Variants in ADGRA3 observed in about 807,000 individuals in gnomAD.
ADGRA3 encodes the protein adhesion G protein-coupled receptor A3, also known as G-protein coupled receptor 125.
In ADGRA3, 56 loss-of-function variants were observed where a neutral mutation model predicts 119.8. The observed-to-expected ratio is 0.47, with a 90% confidence interval of 0.38 to 0.58. ADGRA3 has a LOEUF of 0.58. Among genes scored for constraint, ADGRA3 ranks in the 20% least tolerant of loss-of-function variants. The probability of loss-of-function intolerance (pLI) is 0.00; values close to 1 mark genes in which losing one functional copy is unlikely to be tolerated. For synonymous variants in ADGRA3, 607 were observed against 623.8 expected (o/e 0.97, Z 0.40); for missense variants, 1,516 against 1,649.0 (o/e 0.92, Z 1.40).
chr4:22,507,649 C>G (rs945756798), intron 1 of ADGRA3, among the ~76,000 whole-genome samples: 3 of 152,152 alleles, frequency 2.0e-5, no homozygotes, highest in Non-Finnish European at 2.9e-5. Context: ...GGACTCCAAG[C>G]AGGCAAGAAA....
intron 5 of ADGRA3, among the ~76,000 whole-genome samples, chr4:22,445,601 C>G (rs1663858845): frequency 6.6e-6 from 1 of 152,168 alleles, no homozygotes; most frequent in African/African-American, 2.4e-5. Context: ...AAACAGCAAC[C>G]TAAAGCAATA....
At chr4:22,446,102 G>T (rs1469447301) in intron 5 of ADGRA3, among the ~76,000 whole-genome samples, 1 of 152,218 alleles carries the variant, frequency 6.6e-6, no homozygotes, top group Non-Finnish European at 1.5e-5. Flanking sequence ...GTTTAAGTGT[G>T]TGTGCTTCTA....
intron 3 of ADGRA3, among the ~76,000 whole-genome samples, chr4:22,461,513 T>G (rs1717453533): frequency 6.6e-6 from 1 of 152,190 alleles, no homozygotes; most frequent in Non-Finnish European, 1.5e-5. Context: ...TTGGCCAGGC[T>G]GGTCTTGAAT....
chr4:22,466,011 A>C (rs929228287), intron 2 of ADGRA3, among the ~76,000 whole-genome samples: 53 of 152,136 alleles, frequency 3.5e-4, no homozygotes, highest in Admixed American at 1.8e-3. Context: ...TGTAAACCAC[A>C]CAAGTTCTCA....
At chr4:22,512,928 G>C (rs1719498905) in intron 1 of ADGRA3, among the ~76,000 whole-genome samples, 1 of 152,104 alleles carries the variant, frequency 6.6e-6, no homozygotes, top group Non-Finnish European at 1.5e-5. Context: ...GCTCAACTAA[G>C]ATGAAGGCAA....
chr4:22,473,992 TC>T, intron 1 of ADGRA3, 149 bp from the exon 2 acceptor site: 2 of 502,408 alleles, frequency 4.0e-6, no homozygotes, highest in Non-Finnish European at 7.1e-6. Flanking sequence ...GTGAGTGTCT[TC>T]CCCTTTCTCT....
intron 1 of ADGRA3, among the ~76,000 whole-genome samples, chr4:22,474,748 G>T (rs1447815937): frequency 1.3e-5 from 2 of 152,084 alleles, no homozygotes; most frequent in Non-Finnish European, 2.9e-5. Context: ...TACTCCAAAC[G>T]CCAAGTTCTT....
intron 14 of ADGRA3, among the ~76,000 whole-genome samples, chr4:22,412,526 G>T (rs1244161064): frequency 7.0e-6 from 1 of 143,534 alleles, no homozygotes; most frequent in Non-Finnish European, 1.5e-5. Flanking sequence ...TGATGAACTG[G>T]TAAGTGATAA....
At chr4:22,435,812 G>C (rs532363221) in intron 9 of ADGRA3, among the ~76,000 whole-genome samples, 3 of 152,310 alleles carry the variant, frequency 2.0e-5, no homozygotes, top group East Asian at 3.9e-4. Context: ...TGCTGGGAAT[G>C]ATCAATACCT....
Position 22,515,595 on chromosome 4 carries a change from C to A in ADGRA3, c.190G>T (p.Val64Leu). The change falls in exon 1 of 19, where the codon GTG becomes TTG. Residue 64 changes from valine (V) to leucine (L), a missense_variant. Coordinates refer to ENST00000334304, the MANE Select transcript of ADGRA3 (RefSeq NM_145290.4). ...TGCGCGAGTTCCAGGCTGCTGCACA[C>A]CACCTTGCCCTCGGCGGCGCCCGCC... ...RAAGAAEGKV[V>L]CSSLELAQVL... The A allele has an allele frequency of 6.4e-7, 1 of 1,569,112 alleles. No individual in the cohort carries two copies. The highest frequency in any genetic ancestry group is 2.5e-5 in the East Asian group (1 of 39,416).
At chr4:22,429,315 G>A (rs1349517714) in intron 10 of ADGRA3, among the ~76,000 whole-genome samples, 1 of 152,142 alleles carries the variant, frequency 6.6e-6, no homozygotes, top group South Asian at 2.1e-4. Flanking sequence ...CCAGCAGAAA[G>A]TGAAAAAATG....
At chr4:22,424,817 A>C (rs138580963) in intron 10 of ADGRA3, among the ~76,000 whole-genome samples, 2,397 of 152,288 alleles carry the variant, frequency 0.016, 33 homozygotes, top group Non-Finnish European at 0.026. Flanking sequence ...CACACCTGTA[A>C]TCCCAGCACT....
chr4:22,401,848 G>A (rs1364323030), intron 15 of ADGRA3, among the ~76,000 whole-genome samples: 2 of 152,008 alleles, frequency 1.3e-5, no homozygotes, highest in East Asian at 1.9e-4. Flanking sequence ...AATAAGAAAC[G>A]CATGGGCTTT....
At chr4:22,405,223 T>C (rs74333422) in intron 14 of ADGRA3, among the ~76,000 whole-genome samples, 3,347 of 152,190 alleles carry the variant, frequency 0.022, 119 homozygotes, top group African/African-American at 0.077. Context: ...ATACTCTATA[T>C]GGCATTCAAG....
At chr4:22,486,594 A>T (rs933951322) in intron 1 of ADGRA3, among the ~76,000 whole-genome samples, 28 of 152,158 alleles carry the variant, frequency 1.8e-4, no homozygotes, top group African/African-American at 6.8e-4. Context: ...ACTCAAAGAA[A>T]GGGAGGCAGA....
intron 14 of ADGRA3, among the ~76,000 whole-genome samples, chr4:22,403,769 T>C (rs1714773160): frequency 6.6e-6 from 1 of 151,932 alleles, no homozygotes; most frequent in South Asian, 2.1e-4. Context: ...AAAAAATAAA[T>C]AAGCAATAAC....
At chr4:22,422,928 C>T (rs1715766986) in intron 11 of ADGRA3, among the ~76,000 whole-genome samples, 1 of 152,162 alleles carries the variant, frequency 6.6e-6, no homozygotes, top group South Asian at 2.1e-4. Flanking sequence ...GGTGCGGTGG[C>T]TCACGCCTGT....
At chr4:22,478,438 T>C (rs1357399110) in intron 1 of ADGRA3, among the ~76,000 whole-genome samples, 4 of 152,186 alleles carry the variant, frequency 2.6e-5, no homozygotes, top group South Asian at 2.1e-4. Flanking sequence ...GATTATCCTT[T>C]TGAGAGAAAT....
At chr4:22,413,940 A>C in intron 12 of ADGRA3, 126 bp from the exon 13 acceptor site, 1 of 599,026 alleles carries the variant, frequency 1.7e-6, no homozygotes, top group Non-Finnish European at 2.8e-6. Context: ...TGGATATACA[A>C]AATTTAACAG....
Sources: allele counts gnomAD v4.1 joint callset (sites outside exome capture counted in the v4.1 genomes callset), GRCh38; gene constraint gnomAD v4.1.1; transcripts MANE v1.5; gene names NCBI Gene and HGNC (gene_info 2026-07-23, HGNC 2026-07-21).